Variants in SYT3 observed in about 807,000 individuals in gnomAD.
The protein encoded by SYT3 is synaptotagmin-3.
Under a neutral mutation model 50.6 loss-of-function variants are expected in SYT3, and 25 were observed. The ratio of observed to expected loss-of-function variants is 0.49; its 90% CI spans 0.36 to 0.69. The LOEUF (loss-of-function observed/expected upper bound fraction) is 0.69, where lower values mean the gene tolerates loss of function less well. Among genes scored for constraint, SYT3 ranks in the 30% least tolerant of loss-of-function variants. The pLI is 0.00. For synonymous variants in SYT3, 323 were observed against 353.9 expected (o/e 0.91, Z 0.98); for missense variants, 589 against 793.6 (o/e 0.74, Z 3.10).
Position 50,639,857 on chromosome 19 carries a change from C to T in SYT3, c.-221G>A, listed in dbSNP as rs895336737. ...CAGCCCCGCGCGCCAGCCGCGGTGC[C>T]GGCTCGGCTCCTCCCCTCGCCACTG... is the stretch of plus-strand genomic sequence containing the variant. On this transcript the variant is annotated 5_prime_UTR_variant, in exon 1 of 11. Transcript: ENST00000600079. This position sits in a 1 kb window ranked among gnomAD's most constrained non-coding sequence, Gnocchi z 4.6. 19 of 156,822 alleles carry T rather than the reference C, an allele frequency of 1.2e-4. No homozygotes were observed. The highest frequency in any genetic ancestry group is 1.1e-3 in the Admixed American group (17 of 15,226). 9.7% of individuals were successfully genotyped at this position (156,822 alleles called of 1,614,324 possible). A position where few individuals can be genotyped will look rare whatever the true frequency, so the allele number is the denominator to read the frequency against.
At chr19:50,642,387 C>T (rs981047930), upstream of SYT3, among the ~76,000 whole-genome samples, 3 of 152,346 alleles carry the variant, frequency 2.0e-5, no homozygotes, top group East Asian at 3.9e-4. Context: ...GAGAGGCAGC[C>T]GTAGTGCACT....
upstream of SYT3, among the ~76,000 whole-genome samples, chr19:50,640,662 C>T (rs1568418568): frequency 6.6e-6 from 1 of 152,096 alleles, no homozygotes; most frequent in Non-Finnish European, 1.5e-5. Flanking sequence ...TTTGGCTTCC[C>T]TGGACTGCAT....
At chr19:50,647,057 C>G in the SYT3 span, among the ~76,000 whole-genome samples, 2 of 152,060 alleles carry the variant, frequency 1.3e-5, no homozygotes, top group Non-Finnish European at 2.9e-5. Context: ...GTCTTGATCT[C>G]CTGACCTCGT....
At chr19:50,647,314 G>A in the SYT3 span, among the ~76,000 whole-genome samples, 1 of 152,096 alleles carries the variant, frequency 6.6e-6, no homozygotes, top group South Asian at 2.1e-4. Flanking sequence ...GGGCAGGTCA[G>A]TTCCGGGCAC....
upstream of SYT3, among the ~76,000 whole-genome samples, chr19:50,644,592 A>G (rs1568419384): frequency 6.6e-6 from 1 of 151,746 alleles, no homozygotes; most frequent in Non-Finnish European, 1.5e-5. Context: ...GCAGAAATAG[A>G]CGAAGGGATG....
chr19:50,635,565 C>T (rs183191013), intron 3 of SYT3, among the ~76,000 whole-genome samples: 37 of 152,280 alleles, frequency 2.4e-4, no homozygotes, highest in Admixed American at 4.6e-4. Flanking sequence ...CATGGAATGT[C>T]CTGCCTGATT....
At chr19:50,624,119 T>C (rs1983957063) in intron 9 of SYT3, among the ~76,000 whole-genome samples, 1 of 152,030 alleles carries the variant, frequency 6.6e-6, no homozygotes, top group Admixed American at 6.6e-5. Flanking sequence ...CACACTACCA[T>C]GCCTAGCTAA....
At chr19:50,644,002 C>G (rs1984721310), upstream of SYT3, among the ~76,000 whole-genome samples, 1 of 152,166 alleles carries the variant, frequency 6.6e-6, no homozygotes, top group Non-Finnish European at 1.5e-5. Flanking sequence ...GGAGAAGGAA[C>G]AGCTCATGTA....
chr19:50,629,985 C>T lies in SYT3; in HGVS notation c.861G>A (p.Gly287=), dbSNP rs137904934. 419 of 1,613,736 alleles carry T rather than the reference C, an allele frequency of 2.6e-4. 1 individual carries two copies. Among genetic ancestry groups the T allele is most frequent in the Non-Finnish European group, 3.3e-4 (390 of 1,179,814 alleles). Residue 287 remains glycine (G), a synonymous_variant, in exon 5 of 11, where the codon GGG becomes GGA. Coordinates refer to ENST00000600079, the MANE Select transcript of SYT3 (RefSeq NM_001160329.2). ...TGCCTGCCTCTCCAGAGCCTGGGCC[C>T]CCACCGCTCCGCCGGCCACCAGGGC... ...GTGPGGRRSG[G]GPGSGEAGTG...
At position 50,625,252 on chromosome 19, in the gene SYT3, G is replaced by A. The variant is rs1256810802; in HGVS notation, c.1617C>T (p.Pro539=). The part of the protein sequence containing the change: ...NEVIGVCRVG[P]DAADPHGREH... ...CGCGGCCGTGCGGGTCGGCAGCGTC[G>A]GGGCCCACACGGCACACGCCGATCA... Residue 539 remains proline, a synonymous_variant, in exon 9 of 11, where the codon CCC becomes CCT. Transcript: ENST00000600079. This position sits in a 1 kb window ranked among gnomAD's most constrained non-coding sequence, Gnocchi z 7.5. The A allele has an allele frequency of 2.6e-6, 4 of 1,559,722 alleles. No homozygotes were observed. The highest frequency in any genetic ancestry group is 3.8e-5 in the Admixed American group (2 of 52,716).
chr19:50,634,064 C>T (rs1395139198), intron 3 of SYT3, among the ~76,000 whole-genome samples: 1 of 152,268 alleles, frequency 6.6e-6, no homozygotes, highest in African/African-American at 2.4e-5. Context: ...ATTCTGAATG[C>T]CACATATGTG....
intron 6 of SYT3, among the ~76,000 whole-genome samples, chr19:50,627,344 C>A (rs1984110249): frequency 6.6e-6 from 1 of 152,204 alleles, no homozygotes; most frequent in Admixed American, 6.5e-5. Flanking sequence ...GCCCCTGACA[C>A]AAGGCCCGAC....
the SYT3 span, among the ~76,000 whole-genome samples, chr19:50,648,937 A>T: frequency 6.6e-6 from 1 of 151,790 alleles, no homozygotes; most frequent in East Asian, 1.9e-4. Context: ...GTGGGAAGAC[A>T]GAGAGAGGGT....
the SYT3 span, among the ~76,000 whole-genome samples, chr19:50,654,484 A>G: frequency 1.5e-4 from 23 of 150,814 alleles, no homozygotes; most frequent in African/African-American, 5.6e-4. Flanking sequence ...TATTTTTAGT[A>G]GATGGGGTTT....
intron 6 of SYT3, among the ~76,000 whole-genome samples, chr19:50,628,346 A>G (rs969589540): frequency 6.6e-6 from 1 of 152,176 alleles, no homozygotes; most frequent in African/African-American, 2.4e-5. Flanking sequence ...TACAGGGAGA[A>G]TGAGATACCA....
upstream of SYT3, among the ~76,000 whole-genome samples, chr19:50,644,702 T>C (rs914307901): frequency 2.0e-5 from 3 of 151,122 alleles, no homozygotes; most frequent in African/African-American, 7.3e-5. Context: ...GAGTGGATGA[T>C]AGGATGGATG....
At chr19:50,644,038 G>A (rs1984722111), upstream of SYT3, among the ~76,000 whole-genome samples, 1 of 152,190 alleles carries the variant, frequency 6.6e-6, no homozygotes, top group Non-Finnish European at 1.5e-5. Flanking sequence ...AGGGAGTTTG[G>A]CACCTTGAGG....
At chr19:50,624,957 A>C (rs1280220106) in intron 9 of SYT3, 1 of 433,474 alleles carries the variant, frequency 2.3e-6, no homozygotes, top group Admixed American at 4.1e-5. Flanking sequence ...TGCTATCAAC[A>C]GTCCCATTTC....
chr19:50,626,850 C>T (rs1984089441), intron 6 of SYT3, among the ~76,000 whole-genome samples: 1 of 151,076 alleles, frequency 6.6e-6, no homozygotes, highest in Admixed American at 6.6e-5. Context: ...GCATAAAGAC[C>T]CAGAGAGAGT....
Sources: gnomAD v4.1 joint callset for allele counts (sites outside exome capture counted in the v4.1 genomes callset) on GRCh38, gnomAD v4.1.1 for gene constraint, Gnocchi (gnomAD v3.1) non-coding constraint, MANE v1.5 for transcripts, NCBI Gene and HGNC (gene_info 2026-07-23, HGNC 2026-07-21) for gene names.